Variants in AFDN observed in about 807,000 individuals in gnomAD.
AFDN encodes the protein afadin.
In AFDN, 68 loss-of-function variants were observed where a neutral mutation model predicts 216.6. The ratio of observed to expected loss-of-function variants is 0.31; its 90% CI spans 0.26 to 0.38. The LOEUF (loss-of-function observed/expected upper bound fraction) is 0.38. Among genes scored for constraint, AFDN ranks in the 10% least tolerant of loss-of-function variants. The pLI is 1.00. For missense variants in AFDN, 2,136 were observed against 2,342.0 expected, an observed-to-expected ratio of 0.91 and a Z score of 1.82; for synonymous variants, 868 against 853.7, an observed-to-expected ratio of 1.02 and a Z score of -0.29.
In AFDN at chr6:167,951,920, G is replaced by T. The variant is rs750820169; in HGVS notation, c.4566G>T (p.Pro1522=). 3.1e-6 allele frequency: 5 copies of T among 1,614,132 alleles called. No homozygotes were observed. Among genetic ancestry groups the T allele is most frequent in the Non-Finnish European group, 4.2e-6 (5 of 1,180,020 alleles). ...LSSGDSLSPD[P]WKRDAKEKLE... The stretch of plus-strand genomic sequence containing the variant: ...CGGGGGACAGTCTGTCCCCCGACCC[G>T]TGGAAGCGGGACGCCAAGGAGAAGC... The change falls in exon 30 of 34, where the codon CCG becomes CCT. Residue 1522 remains proline (P), a synonymous_variant. Transcript: ENST00000683244. The surrounding 1 kb of genome is among the most constrained non-coding windows in gnomAD (Gnocchi z 7.1).
chr6:167,964,622 G>C, intron 31 of AFDN: 5 of 689,916 alleles, frequency 7.2e-6, no homozygotes, highest in African/African-American at 2.2e-5. Flanking sequence ...CTCTGTGTGT[G>C]TGTGTGTGTG....
chr6:167,947,273 G>A (rs913506175), intron 27 of AFDN, among the ~76,000 whole-genome samples: 1 of 151,658 alleles, frequency 6.6e-6, no homozygotes, highest in East Asian at 1.9e-4. Context: ...TCCACCTCCT[G>A]GGTTCATGCC....
chr6:167,828,418 T>G (rs2128056039), intron 1 of AFDN, among the ~76,000 whole-genome samples: 1 of 152,364 alleles, frequency 6.6e-6, no homozygotes, highest in South Asian at 2.1e-4. Context: ...CATCTGTACC[T>G]GTGACTGCAC....
At chr6:167,909,228 TAAAC>T (rs1790086964) in intron 13 of AFDN, among the ~76,000 whole-genome samples, 1 of 152,100 alleles carries the variant, frequency 6.6e-6, no homozygotes. Flanking sequence ...CATTAGATCA[TAAAC>T]TAAATAATCA....
chr6:167,917,340 C>T (rs1317562379), intron 20 of AFDN, 108 bp downstream of exon 20: 9 of 1,176,366 alleles, frequency 7.7e-6, no homozygotes, highest in East Asian at 2.7e-5. Context: ...CTTATTTATT[C>T]TCATCTTACA....
At chr6:167,959,369 G>A (rs144128122) in intron 30 of AFDN, among the ~76,000 whole-genome samples, 71 of 152,240 alleles carry the variant, frequency 4.7e-4, no homozygotes, top group Middle Eastern at 6.8e-3. Context: ...TGAGGAAATC[G>A]GTCCCTAAGA....
intron 1 of AFDN, among the ~76,000 whole-genome samples, chr6:167,832,390 C>T (rs1779927611): frequency 6.6e-6 from 1 of 152,160 alleles, no homozygotes; most frequent in Admixed American, 6.5e-5. Flanking sequence ...CTGAACATTT[C>T]TCGTTGTGTG....
At chr6:167,826,882 G>GCGGCGGCGCGC (rs1480237767), upstream of AFDN, 1 of 144,088 alleles carries the variant, frequency 6.9e-6, no homozygotes, top group Non-Finnish European at 1.5e-5. Context: ...GCGCGGGCGG[G>GCGGCGGCGCGC]TGCGGGCGGC....
chr6:167,947,017 T>A, intron 27 of AFDN, 116 bp downstream of exon 27: 1 of 890,276 alleles, frequency 1.1e-6, no homozygotes. Context: ...ATTGGCTAAC[T>A]AGGATATGGT....
rs144702693 is a variant in AFDN, at chr6:167,866,366, G to T, written c.301+1620G>T. Among the ~76,000 whole-genome samples, 435 of 152,250 alleles carry T rather than the reference G, an allele frequency of 2.9e-3. 4 individuals are homozygous for T. Among genetic ancestry groups the T allele is most frequent in the Admixed American group, 0.02 (313 of 15,300 alleles). ...CACCAGTGCCTCAGGTATGAGGAAA[G>T]CCCTAGCATGCAGGTTCTCAGTCTT... On this transcript the variant is annotated intron_variant, in intron 2 of 33. Transcript: ENST00000683244.
Position 167,971,183 on chromosome 6 carries a change from AT to A in AFDN, c.*1253del, listed in dbSNP as rs1797996149. On this transcript the variant is annotated 3_prime_UTR_variant, in exon 34 of 34. Transcript: ENST00000683244. ...CAAAGCCCTTGGTGGAGTCCAAATG[AT>A]TTTTCTGTACCATATTGTTCTCTTA... 4.5e-6 allele frequency: 1 copy of A among 220,816 alleles called. No homozygotes were observed. 13.7% of individuals were successfully genotyped at this position (220,816 alleles called of 1,614,324 possible).
intron 6 of AFDN, among the ~76,000 whole-genome samples, chr6:167,882,718 C>T (rs1270221361): frequency 6.6e-6 from 1 of 152,112 alleles, no homozygotes; most frequent in African/African-American, 2.4e-5. Flanking sequence ...CTGCTAGAAT[C>T]TCTCAGGACT....
At chr6:167,912,759 C>A (rs1790564780) in intron 15 of AFDN, among the ~76,000 whole-genome samples, 1 of 152,128 alleles carries the variant, frequency 6.6e-6, no homozygotes, top group African/African-American at 2.4e-5. Flanking sequence ...AGTGAAATCA[C>A]CATTATCAAA....
intron 1 of AFDN, among the ~76,000 whole-genome samples, chr6:167,845,241 T>C (rs892577382): frequency 1.3e-5 from 2 of 152,186 alleles, no homozygotes; most frequent in African/African-American, 4.8e-5. Context: ...AGAAATTTGT[T>C]TTATTCTCGT....
chr6:167,958,961 T>C (rs904564617), intron 30 of AFDN, among the ~76,000 whole-genome samples: 1 of 152,258 alleles, frequency 6.6e-6, no homozygotes, highest in African/African-American at 2.4e-5. Context: ...TCACAGTGCA[T>C]CTTCAGGAAG....
chr6:167,897,643 T>C (rs1004012601), intron 10 of AFDN, among the ~76,000 whole-genome samples: 1 of 22,704 alleles, frequency 4.4e-5, no homozygotes, highest in African/African-American at 2.2e-4. Flanking sequence ...ACTGTATGCC[T>C]TTTTTTTTTT....
rs1297405850 is a variant in AFDN, at chr6:167,827,249, C to A, written c.105+12C>A. 1 of 1,122,150 alleles carries A rather than the reference C, an allele frequency of 8.9e-7. No homozygotes were observed. The highest frequency in any genetic ancestry group is 3.4e-5 in the Admixed American group (1 of 29,486). 69.5% of individuals were successfully genotyped at this position (1,122,150 alleles called of 1,614,324 possible). ...GCCAGCCGACCGAGGTGAGCACCGC[C>A]GGGCGCGGGGCCTGCGCGACCCCCG... On this transcript the variant is annotated intron_variant, in intron 1 of 33. Coordinates refer to ENST00000683244, the MANE Select transcript of AFDN (RefSeq NM_001386888.1).
rs1463435033 is a variant in AFDN at position 167,880,227 on chromosome 6, A to G, written c.740-133A>G. ...TCTAACAGGAAATGAAACAATAGTT[A>G]TTAGGCAGATTGTCTTTACACTCAT... On this transcript the variant is annotated intron_variant, in intron 5 of 33. Transcript: ENST00000683244. 3 of 754,472 alleles carry G rather than the reference A, an allele frequency of 4.0e-6. No homozygotes were observed. In the African/African-American group the frequency reaches 5.3e-5, roughly 13 times the overall value. 46.7% of individuals were successfully genotyped at this position (754,472 alleles called of 1,614,324 possible). A position where few individuals can be genotyped will look rare whatever the true frequency, so the allele number is the denominator to read the frequency against.
chr6:167,850,432 G>C (rs994834561), intron 1 of AFDN, among the ~76,000 whole-genome samples: 2 of 152,104 alleles, frequency 1.3e-5, no homozygotes, highest in Non-Finnish European at 2.9e-5. Context: ...GGAGTAGGTT[G>C]AGTGCTGTGA....
Sources: gnomAD v4.1 joint callset for allele counts (sites outside exome capture counted in the v4.1 genomes callset) on GRCh38, gnomAD v4.1.1 for gene constraint, Gnocchi (gnomAD v3.1) non-coding constraint, MANE v1.5 for transcripts, NCBI Gene and HGNC (gene_info 2026-07-23, HGNC 2026-07-21) for gene names.